CDH13: variants seen among roughly 807,000 people sequenced by gnomAD.
CDH13 encodes cadherin 13, also known as cadherin-13.
A neutral mutation model predicts 63.8 loss-of-function variants in CDH13; 24 were observed. The ratio of observed to expected loss-of-function variants is 0.38; its 90% confidence interval spans 0.27 to 0.53. CDH13 has a LOEUF of 0.53. Ranked by LOEUF, CDH13 falls within the 20% of genes least tolerant of loss-of-function variation. The pLI is 0.85. For missense variants in CDH13, 1,049 were observed against 903.1 expected (o/e 1.16, Z -2.07); for synonymous variants, 503 against 355.3 (o/e 1.42, Z -4.67).
intron 5 of CDH13, among the ~76,000 whole-genome samples, chr16:83,222,894 T>A (rs1223412577): frequency 6.6e-6 from 1 of 152,062 alleles, no homozygotes; most frequent in African/African-American, 2.4e-5. Context: ...CTATTGAAAT[T>A]TGAGGCTGGG....
intron 3 of CDH13, among the ~76,000 whole-genome samples, chr16:83,076,963 C>T (rs972958091): frequency 1.3e-5 from 2 of 151,944 alleles, no homozygotes; most frequent in Non-Finnish European, 2.9e-5. Context: ...CAACCCAAAC[C>T]CCCATCAAGA....
At chr16:83,401,153 C>T (rs1350293528) in intron 6 of CDH13, among the ~76,000 whole-genome samples, 1 of 152,010 alleles carries the variant, frequency 6.6e-6, no homozygotes, top group African/African-American at 2.4e-5. Flanking sequence ...CCAGCCTGGC[C>T]AATATGGCCA....
At chr16:82,867,014 G>A (rs1363598662) in intron 2 of CDH13, among the ~76,000 whole-genome samples, 1 of 152,220 alleles carries the variant, frequency 6.6e-6, no homozygotes, top group African/African-American at 2.4e-5. Flanking sequence ...GCTTCTGTGA[G>A]TGTGGACAAG....
chr16:83,767,282 G>A (rs138689339), intron 11 of CDH13, among the ~76,000 whole-genome samples: 1 of 152,040 alleles, frequency 6.6e-6, no homozygotes, highest in East Asian at 2.0e-4. Context: ...ATCCCCAAGT[G>A]TCGAGGGTGG....
chr16:83,208,481 T>C (rs1186233263), intron 4 of CDH13, among the ~76,000 whole-genome samples: 2 of 152,114 alleles, frequency 1.3e-5, no homozygotes, highest in Admixed American at 6.5e-5. Context: ...TTTTTTTTTT[T>C]CCTATTTAAC....
At chr16:82,937,366 C>A (rs1004890681) in intron 2 of CDH13, among the ~76,000 whole-genome samples, 2 of 151,856 alleles carry the variant, frequency 1.3e-5, no homozygotes, top group Non-Finnish European at 2.9e-5. Flanking sequence ...GCTATTTTTT[C>A]TTTGTCTCTC....
intron 10 of CDH13, among the ~76,000 whole-genome samples, chr16:83,732,771 A>G (rs1055887379): frequency 1.3e-5 from 2 of 152,130 alleles, no homozygotes; most frequent in Admixed American, 1.3e-4. Context: ...CACCAAACCC[A>G]ACTGCTTCCT....
At chr16:83,678,948 C>G (rs911992621) in intron 10 of CDH13, among the ~76,000 whole-genome samples, 1 of 152,196 alleles carries the variant, frequency 6.6e-6, no homozygotes, top group Non-Finnish European at 1.5e-5. Context: ...AGGATGGAAA[C>G]AGGACACTCT....
chr16:83,045,800 G>A (rs1473243553), intron 3 of CDH13, among the ~76,000 whole-genome samples: 1 of 152,152 alleles, frequency 6.6e-6, no homozygotes, highest in Non-Finnish European at 1.5e-5. Flanking sequence ...AGGGGAAGAG[G>A]TACCATTTAT....
At chr16:83,373,308 G>A (rs1157896639) in intron 6 of CDH13, among the ~76,000 whole-genome samples, 1 of 152,182 alleles carries the variant, frequency 6.6e-6, no homozygotes, top group Admixed American at 6.5e-5. Context: ...GAACTGAGTA[G>A]GAACAGTGCT....
intron 4 of CDH13, among the ~76,000 whole-genome samples, chr16:83,145,699 A>T (rs1323601992): frequency 2.0e-5 from 3 of 152,186 alleles, no homozygotes; most frequent in African/African-American, 7.2e-5. Flanking sequence ...TCTCTTCCTC[A>T]TTCAGTCTCT....
At chr16:83,246,861 C>T (rs774649923) in intron 5 of CDH13, among the ~76,000 whole-genome samples, 5 of 152,182 alleles carry the variant, frequency 3.3e-5, no homozygotes, top group Admixed American at 3.3e-4. Flanking sequence ...CCTTCTACTC[C>T]AGTCCTTACA....
chr16:83,504,452 G>A (rs999175919), intron 7 of CDH13, among the ~76,000 whole-genome samples: 1 of 152,222 alleles, frequency 6.6e-6, no homozygotes, highest in African/African-American at 2.4e-5. Flanking sequence ...AAGACACTCA[G>A]CCTGTCCAGT....
At chr16:83,260,909 T>C (rs1035524945) in intron 5 of CDH13, among the ~76,000 whole-genome samples, 1 of 152,052 alleles carries the variant, frequency 6.6e-6, no homozygotes, top group African/African-American at 2.4e-5. Flanking sequence ...GTGAAATGGA[T>C]GCACCAGGTC....
chr16:83,276,293 C>T (rs908101469), intron 5 of CDH13, among the ~76,000 whole-genome samples: 2 of 152,108 alleles, frequency 1.3e-5, no homozygotes, highest in Non-Finnish European at 2.9e-5. Flanking sequence ...AAGAGCAGCC[C>T]TATCATTCTA....
chr16:83,601,512 C>T (rs1031811407), intron 7 of CDH13, among the ~76,000 whole-genome samples: 9 of 151,954 alleles, frequency 5.9e-5, no homozygotes, highest in African/African-American at 1.4e-4. Flanking sequence ...ACAGCCTGTG[C>T]GACAAAAAAG....
At chr16:83,015,724 A>ATATATAT (rs1555562946) in intron 2 of CDH13, among the ~76,000 whole-genome samples, 20 of 49,106 alleles carry the variant, frequency 4.1e-4, no homozygotes, top group Non-Finnish European at 6.3e-4. Flanking sequence ...TATATATATA[A>ATATATAT]AGAAAAAGCA....
At chr16:83,627,762 A>G (rs186471752) in intron 8 of CDH13, among the ~76,000 whole-genome samples, 4 of 152,260 alleles carry the variant, frequency 2.6e-5, no homozygotes, top group African/African-American at 7.2e-5. Flanking sequence ...GATCTTACAC[A>G]AGAAAGAATT....
intron 2 of CDH13, among the ~76,000 whole-genome samples, chr16:82,878,770 C>G (rs1173874064): frequency 6.6e-6 from 1 of 151,876 alleles, no homozygotes; most frequent in Non-Finnish European, 1.5e-5. Flanking sequence ...GCCATCTTTT[C>G]CATTTCAAAG....
Sources: gnomAD v4.1 joint callset for allele counts (sites outside exome capture counted in the v4.1 genomes callset) on GRCh38, gnomAD v4.1.1 for gene constraint, MANE v1.5 for transcripts, NCBI Gene and HGNC (gene_info 2026-07-23, HGNC 2026-07-21) for gene names.